Variants in KDM5B observed in about 807,000 individuals in gnomAD.
KDM5B encodes lysine-specific demethylase 5B.
In KDM5B, 144 loss-of-function variants were observed where a neutral mutation model predicts 193.4. That is an observed-to-expected ratio of 0.74 (90% CI 0.65 to 0.86). The LOEUF (loss-of-function observed/expected upper bound fraction) is 0.86, where lower values mean the gene tolerates loss of function less well. KDM5B is among the 40% of genes least tolerant of loss of function. The pLI, the probability that KDM5B is intolerant of heterozygous loss-of-function variation, is 0.00. For synonymous variants in KDM5B, 668 were observed against 682.6 expected (o/e 0.98, Z 0.33); for missense variants, 1,833 against 1,886.9 (o/e 0.97, Z 0.53).
intron 2 of KDM5B, among the ~76,000 whole-genome samples, chr1:202,776,672 C>CCACCT (rs960224828): frequency 4.5e-4 from 68 of 152,202 alleles, no homozygotes; most frequent in African/African-American, 1.6e-3. Flanking sequence ...AGCAATCCAC[C>CCACCT]CACCTCAGCC....
intron 7 of KDM5B, among the ~76,000 whole-genome samples, chr1:202,761,767 T>TTG (rs1210875154): frequency 6.6e-6 from 1 of 152,192 alleles, no homozygotes; most frequent in African/African-American, 2.4e-5. Flanking sequence ...TTTCCCAGCC[T>TTG]ATACAACTGT....
intron 23 of KDM5B, among the ~76,000 whole-genome samples, chr1:202,733,081 A>G (rs557123155): frequency 6.6e-6 from 1 of 152,368 alleles, no homozygotes; most frequent in South Asian, 2.1e-4. Flanking sequence ...GCAAAGACTT[A>G]AAGATACATC....
Position 202,767,051 on chromosome 1 carries a change from TCTG to T in KDM5B, c.583_585del (p.Gln195del). On this transcript the variant is annotated inframe_deletion, in exon 5 of 27. Coordinates refer to ENST00000367265, the MANE Select transcript of KDM5B (RefSeq NM_006618.5). Reference sequence around the variant, plus strand: ...TTAGTGTCTGTGGTCAGGTTTGGCTTCTGCAAACACTAGAAATAACAACTGTAC... The same window carrying T: ...TTAGTGTCTGTGGTCAGGTTTGGCTTCAAACACTAGAAATAACAACTGTAC... The T allele has an allele frequency of 6.2e-7, 1 of 1,609,600 alleles. No individual in the cohort carries two copies. The highest frequency in any genetic ancestry group is 1.1e-5 in the South Asian group (1 of 89,996).
At chr1:202,774,828 C>A in intron 2 of KDM5B, 93 bp from the exon 3 acceptor site, 1 of 1,236,584 alleles carries the variant, frequency 8.1e-7, no homozygotes, top group Non-Finnish European at 1.1e-6. Context: ...TATTTAAGTA[C>A]AATACCACTT....
intron 20 of KDM5B, among the ~76,000 whole-genome samples, chr1:202,739,792 T>C (rs1361653048): frequency 6.6e-6 from 1 of 152,076 alleles, no homozygotes; most frequent in Admixed American, 6.6e-5. Context: ...GGGTTGGGGG[T>C]AAGGTCACCG....
intron 4 of KDM5B, among the ~76,000 whole-genome samples, chr1:202,771,354 C>T (rs1301459378): frequency 6.6e-6 from 1 of 151,598 alleles, no homozygotes; most frequent in Non-Finnish European, 1.5e-5. Flanking sequence ...GCCTCAGCCT[C>T]CCAAGTAGCT....
At position 202,731,935 on chromosome 1, in the gene KDM5B, G is replaced by A. The variant is rs1449787157; in HGVS notation, c.3914C>T (p.Ser1305Phe). 1 of 1,598,064 alleles carries A rather than the reference G, an allele frequency of 6.3e-7. No individual in the cohort carries two copies. Among genetic ancestry groups the A allele is most frequent in the Non-Finnish European group, 8.6e-7 (1 of 1,168,918 alleles). The change falls in exon 24 of 27, where the codon TCT (serine) becomes TTT (phenylalanine). Residue 1305 changes from serine (S) to phenylalanine (F), a missense_variant. Ser to Phe is a radical substitution (Grantham distance 155). Transcript: ENST00000367265. ...AAATGATGTTGTGCCAGGAGGTTGA[G>A]ATACCTAATGGAGGGAAAACGTTTT... Reference protein sequence around the residue: ...AGQVSDTNKVSQPPGTTSFSL... With the variant: ...AGQVSDTNKVFQPPGTTSFSL...
chr1:202,747,310 T>A (rs566870633), intron 14 of KDM5B, among the ~76,000 whole-genome samples: 1 of 152,206 alleles, frequency 6.6e-6, no homozygotes, highest in Non-Finnish European at 1.5e-5. Context: ...ACCAACTCCA[T>A]GGATTTTAAT....
At chr1:202,779,646 A>G (rs963059724) in intron 1 of KDM5B, among the ~76,000 whole-genome samples, 2 of 151,516 alleles carry the variant, frequency 1.3e-5, no homozygotes, top group African/African-American at 2.4e-5. Flanking sequence ...CTAAAAATAC[A>G]CAAAAAATTA....
chr1:202,773,652 G>A (rs1353603587), intron 3 of KDM5B, among the ~76,000 whole-genome samples: 2 of 151,944 alleles, frequency 1.3e-5, no homozygotes, highest in Non-Finnish European at 2.9e-5. Flanking sequence ...AAAAACTAAA[G>A]ACTAGGATGC....
chr1:202,741,316 C>A (rs775966322), intron 19 of KDM5B, 51 bp downstream of exon 19: 1 of 1,323,566 alleles, frequency 7.6e-7, no homozygotes, highest in Non-Finnish European at 1.0e-6. Flanking sequence ...TGTGTTTAAG[C>A]TGGAGATAAC....
At chr1:202,756,950 T>C (rs1244410359) in intron 9 of KDM5B, among the ~76,000 whole-genome samples, 1 of 152,172 alleles carries the variant, frequency 6.6e-6, no homozygotes, top group African/African-American at 2.4e-5. Context: ...ACTGGACCTG[T>C]CTGAGAGCAA....
At position 202,730,176 on chromosome 1, in the gene KDM5B, A is replaced by G. The variant is rs1654831157; in HGVS notation, c.4177-149T>C. The G allele has an allele frequency of 7.1e-6, 5 of 702,870 alleles. No individual in the cohort carries two copies. In the South Asian group the frequency reaches 7.9e-5, roughly 11 times the overall value. 43.5% of individuals were successfully genotyped at this position (702,870 alleles called of 1,614,324 possible). On this transcript the variant is annotated intron_variant, in intron 25 of 26. Coordinates refer to ENST00000367265, the MANE Select transcript of KDM5B (RefSeq NM_006618.5). ...ACTGCATCTTAACCACTCCCCTCCC[A>G]GTCTTGTATAAGACAACCAGTTTGG...
rs1388502954 is a variant in KDM5B, at chr1:202,725,098, C to G, written c.*3938G>C. 1 of 152,236 alleles carries G rather than the reference C, an allele frequency of 6.6e-6. No individual in the cohort carries two copies. The highest frequency in any genetic ancestry group is 1.9e-4 in the East Asian group (1 of 5,176). 9.4% of individuals were successfully genotyped at this position (152,236 alleles called of 1,614,324 possible). On this transcript the variant is annotated 3_prime_UTR_variant, in exon 27 of 27. Coordinates refer to ENST00000367265, the MANE Select transcript of KDM5B (RefSeq NM_006618.5). ...GTTATCCTGAAAATAAGAAACACAC[C>G]GAAACTCACCACTTTCTAGCCCTTC... is the stretch of plus-strand genomic sequence containing the variant.
chr1:202,805,632 A>G (rs1230287295), intron 1 of KDM5B, among the ~76,000 whole-genome samples: 1 of 152,208 alleles, frequency 6.6e-6, no homozygotes, highest in Admixed American at 6.5e-5. Flanking sequence ...ATATATCACC[A>G]TGGAAAATAT....
In KDM5B at chr1:202,764,055, C is replaced by T; in HGVS notation, c.802G>A (p.Glu268Lys). Residue 268 changes from glutamate to lysine, a missense_variant, in exon 6 of 27, where the codon GAA becomes AAA. By Grantham distance (56) the Glu-to-Lys change is moderately conservative. This residue lies in a region of KDM5B where 355 missense variants were observed against 374.9 expected (regional missense o/e 0.95). Transcript: ENST00000367265. ...CATTGACAAATTTTCTTACCATTTTCACATTTTGGAGTTGGACAACCCATT... is the reference window on the plus strand; with the variant it reads ...CATTGACAAATTTTCTTACCATTTTTACATTTTGGAGTTGGACAACCCATT... Reference protein sequence around the residue: ...RRMGCPTPKCENEKEMKSSIK... With the variant: ...RRMGCPTPKCKNEKEMKSSIK... The T allele has an allele frequency of 6.5e-7, 1 of 1,539,796 alleles. No homozygotes were observed. Among genetic ancestry groups the T allele is most frequent in the South Asian group, 1.2e-5 (1 of 82,236 alleles).
chr1:202,735,399 T>C (rs778052383), intron 22 of KDM5B, 30 bp downstream of exon 22: 5 of 1,593,414 alleles, frequency 3.1e-6, no homozygotes, highest in East Asian at 2.2e-5. Context: ...CCCAATAACA[T>C]AGAAAGGAGA....
intron 4 of KDM5B, among the ~76,000 whole-genome samples, chr1:202,770,126 T>C: frequency 6.6e-6 from 1 of 152,212 alleles, no homozygotes; most frequent in Non-Finnish European, 1.5e-5. Flanking sequence ...AGAGCTTTAT[T>C]ATTTTGTTCC....
chr1:202,737,740 C>G (rs559625044), intron 20 of KDM5B, among the ~76,000 whole-genome samples: 1 of 152,116 alleles, frequency 6.6e-6, no homozygotes, highest in African/African-American at 2.4e-5. Context: ...GGATAACTGT[C>G]TAGTCAGTGA....
Sources: allele counts gnomAD v4.1 joint callset (sites outside exome capture counted in the v4.1 genomes callset), GRCh38; gene constraint gnomAD v4.1.1; regional missense constraint gnomAD v4.1.1; transcripts MANE v1.5; gene names NCBI Gene and HGNC (gene_info 2026-07-23, HGNC 2026-07-21).